Variants in GRM5 observed in about 807,000 individuals in gnomAD.
GRM5 encodes the protein glutamate metabotropic receptor 5.
In GRM5, 19 loss-of-function variants were observed where a neutral mutation model predicts 83.1. That is an observed-to-expected ratio of 0.23 (90% CI 0.16 to 0.34). The LOEUF (loss-of-function observed/expected upper bound fraction) is 0.34, where lower values mean the gene tolerates loss of function less well. GRM5 is among the 10% of genes least tolerant of loss of function. The pLI is 1.00. For synonymous variants in GRM5, 675 were observed against 633.6 expected, an observed-to-expected ratio of 1.07 and a Z score of -0.98; for missense variants, 1,160 against 1,588.3, an observed-to-expected ratio of 0.73 and a Z score of 4.58.
intron 4 of GRM5, among the ~76,000 whole-genome samples, chr11:88,637,422 A>T (rs1297902295): frequency 2.6e-5 from 4 of 152,090 alleles, no homozygotes; most frequent in Non-Finnish European, 5.9e-5. Context: ...AAGGGCTAAT[A>T]TCCAGAATCT....
chr11:88,767,058 G>A (rs1231958674), intron 3 of GRM5, among the ~76,000 whole-genome samples: 1 of 151,908 alleles, frequency 6.6e-6, no homozygotes, highest in Non-Finnish European at 1.5e-5. Flanking sequence ...TGATACAGCT[G>A]GAGTGCAGTG....
intron 2 of GRM5, among the ~76,000 whole-genome samples, chr11:88,856,137 T>C (rs1241249369): frequency 6.6e-6 from 1 of 152,050 alleles, no homozygotes; most frequent in Non-Finnish European, 1.5e-5. Flanking sequence ...AGATTCCCAA[T>C]ATAAACAATT....
chr11:89,060,718 G>A (rs1321404320), intron 1 of GRM5, among the ~76,000 whole-genome samples: 1 of 151,852 alleles, frequency 6.6e-6, no homozygotes, highest in African/African-American at 2.4e-5. Context: ...TGAATTTAAA[G>A]GAAATGAAAG....
chr11:88,974,724 A>T (rs1469413674), intron 2 of GRM5, among the ~76,000 whole-genome samples: 1 of 152,146 alleles, frequency 6.6e-6, no homozygotes, highest in Admixed American at 6.6e-5. Flanking sequence ...ATGGTATTAC[A>T]TTAAAACCGT....
At chr11:88,880,871 ATTACT>A (rs1216729149) in intron 2 of GRM5, among the ~76,000 whole-genome samples, 16 of 152,200 alleles carry the variant, frequency 1.1e-4, no homozygotes, top group African/African-American at 1.9e-4. Flanking sequence ...CTTTACACAA[ATTACT>A]TTAACACTCA....
rs371780916 is a variant in GRM5, at chr11:89,014,928, C to T, written c.661+32284G>A. 7.2e-5 allele frequency among the ~76,000 whole-genome samples: 11 copies of T among 152,270 alleles called. No individual in the cohort carries two copies. The East Asian group carries it at 9.6e-4, about 13-fold the overall frequency. Reference sequence around the variant, plus strand: ...TCTTGTGGGCATAGTGCCCACTGTACGTGTTCAAGTGAGCTGCACTCATCC... The same window carrying T: ...TCTTGTGGGCATAGTGCCCACTGTATGTGTTCAAGTGAGCTGCACTCATCC... On this transcript the variant is annotated intron_variant, in intron 2 of 9. Transcript: ENST00000305447.
intron 3 of GRM5, among the ~76,000 whole-genome samples, chr11:88,683,748 T>A (rs1248088869): frequency 6.6e-6 from 1 of 152,230 alleles, no homozygotes; most frequent in Admixed American, 6.5e-5. Context: ...AAATATTTGA[T>A]AAGTGCTAAT....
rs116977754 is a variant in GRM5 at position 88,619,692 on chromosome 11, C to G, written c.1148-14728G>C. Among the ~76,000 whole-genome samples, 129 of 152,208 alleles carry G rather than the reference C, an allele frequency of 8.5e-4. No individual in the cohort carries two copies. The Middle Eastern group carries it at 0.014, about 16-fold the overall frequency. Reference sequence around the variant, plus strand: ...CATGACCATACAATAATAAAACAAGCAGCAGTTTATTTTTAAAAAATCTGG... The same window carrying G: ...CATGACCATACAATAATAAAACAAGGAGCAGTTTATTTTTAAAAAATCTGG... On this transcript the variant is annotated intron_variant, in intron 4 of 9. Coordinates refer to ENST00000305447, the MANE Select transcript of GRM5 (RefSeq NM_001143831.3).
chr11:88,513,568 A>G (rs1591313674), intron 9 of GRM5, among the ~76,000 whole-genome samples: 2 of 152,268 alleles, frequency 1.3e-5, no homozygotes, highest in Middle Eastern at 3.4e-3. Flanking sequence ...AAATCACAAA[A>G]TAATTCCTTC....
chr11:88,893,321 T>G (rs1218999910), intron 2 of GRM5, among the ~76,000 whole-genome samples: 1 of 151,766 alleles, frequency 6.6e-6, no homozygotes, highest in African/African-American at 2.4e-5. Flanking sequence ...AAGAGAACAG[T>G]TGGTTGTTTA....
At chr11:88,916,530 C>A (rs1179000785) in intron 2 of GRM5, among the ~76,000 whole-genome samples, 9 of 152,060 alleles carry the variant, frequency 5.9e-5, no homozygotes, top group Non-Finnish European at 1.2e-4. Flanking sequence ...ATGGCTAGCA[C>A]CACCACCATG....
intron 3 of GRM5, among the ~76,000 whole-genome samples, chr11:88,670,511 T>C (rs543158987): frequency 1.3e-5 from 2 of 149,002 alleles, no homozygotes; most frequent in African/African-American, 4.9e-5. Flanking sequence ...GTGTTGTGTA[T>C]ACAGATGACA....
At position 88,939,627 on chromosome 11, in the gene GRM5, G is replaced by A. The variant is rs140758633; in HGVS notation, c.662-89472C>T. ...GCTCACATTTTAAAAACAGATAAGC[G>A]AACACAACACTAGATTAGAATAATA... is the stretch of plus-strand genomic sequence containing the variant. On this transcript the variant is annotated intron_variant, in intron 2 of 9. Coordinates refer to ENST00000305447, the MANE Select transcript of GRM5 (RefSeq NM_001143831.3). Among the ~76,000 whole-genome samples, 960 of 151,466 alleles carry A rather than the reference G, an allele frequency of 6.3e-3. 8 individuals carry two copies. Among genetic ancestry groups the A allele is most frequent in the Non-Finnish European group, 0.01 (710 of 67,764 alleles).
chr11:88,642,672 T>C (rs7931337), intron 4 of GRM5, among the ~76,000 whole-genome samples: 129,546 of 152,164 alleles, frequency 0.85, 57,098 homozygotes, highest in Non-Finnish European at 0.97. Context: ...GAAATTTCCT[T>C]AGCAAGATAC....
chr11:88,991,531 C>T (rs542903619), intron 2 of GRM5, among the ~76,000 whole-genome samples: 1 of 150,890 alleles, frequency 6.6e-6, no homozygotes, highest in African/African-American at 2.4e-5. Context: ...TCATATGGAA[C>T]CAAAAAAGAG....
chr11:88,833,592 G>A (rs372036602), intron 3 of GRM5, among the ~76,000 whole-genome samples: 6 of 152,194 alleles, frequency 3.9e-5, no homozygotes, highest in East Asian at 1.9e-4. Flanking sequence ...TAAAACTATC[G>A]TATGATCAGC....
chr11:88,922,545 T>C (rs1565293431), intron 2 of GRM5, among the ~76,000 whole-genome samples: 2 of 152,138 alleles, frequency 1.3e-5, no homozygotes, highest in Non-Finnish European at 2.9e-5. Flanking sequence ...AATAAAACTA[T>C]ACTCTTTTCT....
In GRM5 at chr11:89,061,318, C is replaced by A. The variant is rs1322774448; in HGVS notation, c.-201+4458G>T. Among the ~76,000 whole-genome samples, 5 of 152,068 alleles carry A rather than the reference C, an allele frequency of 3.3e-5. No individual in the cohort carries two copies. The East Asian group carries it at 9.7e-4, about 29-fold the overall frequency. On this transcript the variant is annotated intron_variant, in intron 1 of 9. Transcript: ENST00000305447. ...TAAATACAATATTTTTAATGATCAA[C>A]CTCATCTCACATTTTCTACTTGTAG...
chr11:88,641,674 GT>G (rs1166902749), intron 4 of GRM5, among the ~76,000 whole-genome samples: 1 of 152,204 alleles, frequency 6.6e-6, no homozygotes, highest in Non-Finnish European at 1.5e-5. Context: ...ACCCATTCAA[GT>G]TTGAAACCCA....
Sources: gnomAD v4.1 joint callset for allele counts (sites outside exome capture counted in the v4.1 genomes callset) on GRCh38, gnomAD v4.1.1 for gene constraint, MANE v1.5 for transcripts, NCBI Gene and HGNC (gene_info 2026-07-23, HGNC 2026-07-21) for gene names.